The following SMAD1 variants were observed in gnomAD, a reference collection of about 807,000 sequenced individuals.
SMAD1 encodes SMAD family member 1.
SMAD1 carries 6 observed loss-of-function variants against 41.6 expected under a neutral mutation model. The ratio of observed to expected loss-of-function variants is 0.14; its 90% confidence interval spans 0.08 to 0.28. SMAD1 has a LOEUF of 0.28. Ranked by LOEUF, SMAD1 falls within the 10% of genes least tolerant of loss-of-function variation. The pLI, the probability that SMAD1 is intolerant of heterozygous loss-of-function variation, is 1.00. For missense variants in SMAD1, 379 were observed against 582.6 expected (o/e 0.65, Z 3.60); for synonymous variants, 206 against 203.2 (o/e 1.01, Z -0.12).
At chr4:145,500,445 A>T (rs1303718561) in intron 1 of SMAD1, among the ~76,000 whole-genome samples, 1 of 152,064 alleles carries the variant, frequency 6.6e-6, no homozygotes, top group East Asian at 1.9e-4. Context: ...TCTCAGGATC[A>T]TTCTTGCCAA....
intron 6 of SMAD1, among the ~76,000 whole-genome samples, chr4:145,554,724 G>A (rs750496725): frequency 4.6e-5 from 7 of 152,208 alleles, no homozygotes; most frequent in Non-Finnish European, 7.4e-5. Context: ...TTTTTAAGAT[G>A]CCATTGAAAT....
At chr4:145,486,171 T>C (rs1728472686) in intron 1 of SMAD1, among the ~76,000 whole-genome samples, 1 of 152,234 alleles carries the variant, frequency 6.6e-6, no homozygotes, top group South Asian at 2.1e-4. Flanking sequence ...CTATCTTCTG[T>C]CGTTCTTTTG....
At chr4:145,481,719 C>A (rs1051577184), upstream of SMAD1, 3 of 177,672 alleles carry the variant, frequency 1.7e-5, no homozygotes, top group South Asian at 2.9e-4. Flanking sequence ...GATCCCTGGT[C>A]GCGCGGCAGC....
chr4:145,497,832 T>G (rs1431194844), intron 1 of SMAD1: 1 of 152,240 alleles, frequency 6.6e-6, no homozygotes, highest in Non-Finnish European at 1.5e-5. Flanking sequence ...TTGCTTCTTT[T>G]AGCTCTTAGG....
chr4:145,535,585 T>TC (rs1731568424), intron 2 of SMAD1, among the ~76,000 whole-genome samples: 1 of 152,174 alleles, frequency 6.6e-6, no homozygotes, highest in African/African-American at 2.4e-5. Flanking sequence ...TATCTTTCTT[T>TC]TTAGCAGTAA....
intron 1 of SMAD1, among the ~76,000 whole-genome samples, chr4:145,501,303 A>T (rs1729423532): frequency 6.6e-6 from 1 of 152,258 alleles, no homozygotes; most frequent in African/African-American, 2.4e-5. Flanking sequence ...AAAAAGAAAT[A>T]AAATTCCATG....
At chr4:145,517,896 C>T (rs1198642901) in intron 2 of SMAD1, among the ~76,000 whole-genome samples, 1 of 126,698 alleles carries the variant, frequency 7.9e-6, no homozygotes, top group African/African-American at 2.5e-5. Context: ...CTCTCCTTTA[C>T]CCAGGAATCT....
chr4:145,500,347 C>T (rs1163714570), intron 1 of SMAD1, among the ~76,000 whole-genome samples: 1 of 152,172 alleles, frequency 6.6e-6, no homozygotes, highest in Non-Finnish European at 1.5e-5. Flanking sequence ...CACATACCTT[C>T]CCCTGTGACC....
Position 145,557,963 on chromosome 4 carries a change from C to G in SMAD1, c.*29C>G, listed in dbSNP as rs1188728418. ...GCCCCAGGCATCTGCCTCTGGAAAA[C>G]TATTGAGCCTTGCATGTACTTGAAG... On this transcript the variant is annotated 3_prime_UTR_variant, in exon 7 of 7. Coordinates refer to ENST00000302085, the MANE Select transcript of SMAD1 (RefSeq NM_005900.3). The G allele has an allele frequency of 6.4e-7, 1 of 1,563,472 alleles. No homozygotes were observed. Among genetic ancestry groups the G allele is most frequent in the Non-Finnish European group, 8.7e-7 (1 of 1,148,880 alleles).
At chr4:145,504,413 C>T (rs1236624303) in intron 1 of SMAD1, among the ~76,000 whole-genome samples, 1 of 152,180 alleles carries the variant, frequency 6.6e-6, no homozygotes, top group Non-Finnish European at 1.5e-5. Flanking sequence ...TGTCTTTTGC[C>T]TGTCTGCCTT....
chr4:145,496,198 A>T (rs964433533), intron 1 of SMAD1, among the ~76,000 whole-genome samples: 5 of 152,016 alleles, frequency 3.3e-5, no homozygotes, highest in African/African-American at 1.2e-4. Context: ...TTAGAAAGGG[A>T]TGGAAGGAGA....
chr4:145,509,259 C>T (rs569039979), intron 1 of SMAD1, among the ~76,000 whole-genome samples: 21 of 152,304 alleles, frequency 1.4e-4, no homozygotes, highest in Non-Finnish European at 2.9e-4. Flanking sequence ...TACACACTGG[C>T]TTTCCCAATG....
intron 2 of SMAD1, among the ~76,000 whole-genome samples, chr4:145,518,760 T>G (rs949906649): frequency 7.9e-6 from 1 of 126,436 alleles, no homozygotes; most frequent in African/African-American, 2.5e-5. Context: ...TGCTGAGGTC[T>G]CAATGACTCT....
intron 2 of SMAD1, among the ~76,000 whole-genome samples, chr4:145,539,058 G>A (rs949175031): frequency 1.4e-4 from 21 of 152,128 alleles, no homozygotes; most frequent in African/African-American, 3.4e-4. Context: ...CTATTGGGCC[G>A]CCTTTGTACC....
At chr4:145,556,870 G>T (rs536707748) in intron 6 of SMAD1, among the ~76,000 whole-genome samples, 2 of 152,048 alleles carry the variant, frequency 1.3e-5, no homozygotes, top group Non-Finnish European at 2.9e-5. Flanking sequence ...TAGAGACGGG[G>T]TTTCACCATT....
At position 145,483,247 on chromosome 4, in the gene SMAD1, C is replaced by T. The variant is rs547433888; in HGVS notation, c.-177+1209C>T. ...TTTCTTTCCATTGTATCTGAAGTTT[C>T]AAAGTACGTGGAATGATACAGAAGT... On this transcript the variant is annotated intron_variant, in intron 1 of 6. Coordinates refer to ENST00000302085, the MANE Select transcript of SMAD1 (RefSeq NM_005900.3). The T allele has an allele frequency of 4.6e-5, 7 of 152,182 alleles. No individual in the cohort carries two copies. The East Asian group carries it at 1.2e-3, about 25-fold the overall frequency. The allele number at this position is 152,182 out of a possible 1,614,324, so 9.4% of individuals were successfully genotyped here.
intron 3 of SMAD1, 111 bp from the exon 4 acceptor site, chr4:145,542,471 G>A (rs1310518670): frequency 1.2e-5 from 7 of 606,104 alleles, no homozygotes; most frequent in Admixed American, 8.9e-5. Context: ...TTAATGGGGA[G>A]ATTGAAATGA....
intron 1 of SMAD1, among the ~76,000 whole-genome samples, chr4:145,508,217 A>G (rs1056208513): frequency 2.0e-5 from 3 of 152,000 alleles, no homozygotes; most frequent in African/African-American, 7.2e-5. Context: ...ATATGATAAG[A>G]TTCTTCAGTC....
chr4:145,539,877 C>T lies in SMAD1; in HGVS notation c.474C>T (p.Asn158=). ...ACAGCCTCTTAGCTCAGTTCCGTAACTTAGGACAAAATGAGCCTCACATGC... is the reference window on the plus strand; with the variant it reads ...ACAGCCTCTTAGCTCAGTTCCGTAATTTAGGACAAAATGAGCCTCACATGC... The part of the protein sequence containing the change: ...PQHSLLAQFR[N]LGQNEPHMPL... Residue 158 remains asparagine (N), a synonymous_variant, in exon 3 of 7, where the codon AAC becomes AAT. Transcript: ENST00000302085. The T allele has an allele frequency of 6.2e-7, 1 of 1,614,076 alleles. No homozygotes were observed. Among genetic ancestry groups the T allele is most frequent in the South Asian group, 1.1e-5 (1 of 91,086 alleles).
Sources: gnomAD v4.1 joint callset for allele counts (sites outside exome capture counted in the v4.1 genomes callset) on GRCh38, gnomAD v4.1.1 for gene constraint, MANE v1.5 for transcripts, NCBI Gene and HGNC (gene_info 2026-07-23, HGNC 2026-07-21) for gene names.